Variants in BCLAF1 observed in about 807,000 individuals in gnomAD.
BCLAF1 encodes BCL2 associated transcription factor 1, also known as bcl-2-associated transcription factor 1.
In BCLAF1, 10 loss-of-function variants were observed where a neutral mutation model predicts 99.5. The ratio of observed to expected loss-of-function variants is 0.10; its 90% CI spans 0.06 to 0.17. The LOEUF is 0.17. BCLAF1 is among the 10% of genes least tolerant of loss of function. The probability of loss-of-function intolerance (pLI) is 1.00; values close to 1 mark genes in which losing one functional copy is unlikely to be tolerated. For missense variants in BCLAF1, 636 were observed against 1,105.8 expected, an observed-to-expected ratio of 0.58 and a Z score of 6.02; for synonymous variants, 255 against 370.9, an observed-to-expected ratio of 0.69 and a Z score of 3.59.
rs1780600347 is a variant in BCLAF1 at position 136,258,441 on chromosome 6, C to CT, written c.*2668_*2669insA. The CT allele has an allele frequency of 6.6e-6, 1 of 152,002 alleles. No homozygotes were observed. Among genetic ancestry groups the CT allele is most frequent in the Admixed American group, 6.6e-5 (1 of 15,254 alleles). The allele number at this position is 152,002 out of a possible 1,614,324, so 9.4% of individuals were successfully genotyped here. A position where few individuals can be genotyped will look rare whatever the true frequency, so the allele number is the denominator to read the frequency against. On this transcript the variant is annotated 3_prime_UTR_variant, in exon 13 of 13. Coordinates refer to ENST00000531224, the MANE Select transcript of BCLAF1 (RefSeq NM_014739.3). The stretch of plus-strand genomic sequence containing the variant: ...ACAAAAACAAGACAAAACAAAAAAA[C>CT]AGTAAAGAAAGGTTTGAGGGAGTTT...
rs1286225517 is a variant in BCLAF1 at position 136,289,781 on chromosome 6, C to T, written c.-183G>A. 2.0e-5 allele frequency: 3 copies of T among 152,692 alleles called. No homozygotes were observed. The highest frequency in any genetic ancestry group is 4.4e-5 in the Non-Finnish European group (3 of 68,050). The allele number at this position is 152,692 out of a possible 1,614,324, so 9.5% of individuals were successfully genotyped here. A position where few individuals can be genotyped will look rare whatever the true frequency, so the allele number is the denominator to read the frequency against. The stretch of plus-strand genomic sequence containing the variant: ...ACCACACAGCGGCCATTTCCCGACT[C>T]AAGAACGCGAGGAAAACCATAGAGC... On this transcript the variant is annotated 5_prime_UTR_variant, in exon 1 of 13. Coordinates refer to ENST00000531224, the MANE Select transcript of BCLAF1 (RefSeq NM_014739.3).
Position 136,261,118 on chromosome 6 carries a change from AAAAG to A in BCLAF1, c.2758-7_2758-4del, listed in dbSNP as rs758124399. On this transcript the variant is annotated splice_polypyrimidine_tract_variant and splice_region_variant and intron_variant, in intron 12 of 12. Transcript: ENST00000531224. ...ATCTTACTTCATATTTATTATTCCT[AAAAG>A]AGAGAGAAAAAATTAAAGATTAACA... 1.2e-4 allele frequency: 186 copies of A among 1,578,840 alleles called. No homozygotes were observed. The African/African-American group carries it at 2.2e-3, about 19-fold the overall frequency.
In BCLAF1 at chr6:136,289,729, CGGTTCCG is replaced by C. The variant is rs1351577869; in HGVS notation, c.-138_-132del. 6 of 152,864 alleles carry C rather than the reference CGGTTCCG, an allele frequency of 3.9e-5. No homozygotes were observed. Among genetic ancestry groups the C allele is most frequent in the Admixed American group, 1.3e-4 (2 of 15,306 alleles). The allele number at this position is 152,864 out of a possible 1,614,324, so 9.5% of individuals were successfully genotyped here. A position where few individuals can be genotyped will look rare whatever the true frequency, so the allele number is the denominator to read the frequency against. On this transcript the variant is annotated 5_prime_UTR_variant, in exon 1 of 13. Coordinates refer to ENST00000531224, the MANE Select transcript of BCLAF1 (RefSeq NM_014739.3). ...GAGGCCTACCTGACACGCCGAATCG[CGGTTCCG>C]GGAATTTATCTCCGTTGCAACCACA...
In BCLAF1 at chr6:136,268,301, G is replaced by A. The variant is rs138813975; in HGVS notation, c.2258C>T (p.Ser753Phe). 6.2e-7 allele frequency: 1 copy of A among 1,607,300 alleles called. No homozygotes were observed. Among genetic ancestry groups the A allele is most frequent in the Non-Finnish European group, 8.5e-7 (1 of 1,177,416 alleles). The change falls in exon 10 of 13, where the codon TCC becomes TTC. Residue 753 changes from serine to phenylalanine, a missense_variant. Ser to Phe is a radical substitution (Grantham distance 155). This residue lies in a region of BCLAF1 where 180 missense variants were observed against 270.0 expected (regional missense o/e 0.67). Coordinates refer to ENST00000531224, the MANE Select transcript of BCLAF1 (RefSeq NM_014739.3). ...GGGAGAAGAAGGTGATGCTGAAGAG[G>A]ATGAAGATCGAGAATGATCTTGCTC... is the stretch of plus-strand genomic sequence containing the variant. ...KREQDHSRSS[S>F]SSASPSSPSS...
At chr6:136,277,784 C>A in intron 4 of BCLAF1, 81 bp downstream of exon 4, 1 of 1,467,268 alleles carries the variant, frequency 6.8e-7, no homozygotes, top group Non-Finnish European at 9.0e-7. Context: ...ATACATATCA[C>A]AATTTTACGT....
intron 1 of BCLAF1, among the ~76,000 whole-genome samples, chr6:136,282,991 G>A (rs537880843): frequency 7.6e-4 from 115 of 151,390 alleles, no homozygotes; most frequent in South Asian, 1.0e-3. Context: ...AAATTCCAAC[G>A]TAGCTAACAT....
At chr6:136,275,785 A>G in intron 5 of BCLAF1, 58 bp downstream of exon 5, 1 of 1,570,076 alleles carries the variant, frequency 6.4e-7, no homozygotes, top group Admixed American at 1.9e-5. Flanking sequence ...AGTTTAAGAT[A>G]ATTAACTGGA....
chr6:136,271,868 C>G, intron 8 of BCLAF1, 127 bp downstream of exon 8: 1 of 681,754 alleles, frequency 1.5e-6, no homozygotes, highest in Non-Finnish European at 2.5e-6. Flanking sequence ...TGTACACTAC[C>G]ATAATATAGT....
chr6:136,261,277 G>A lies in BCLAF1; in HGVS notation c.2745C>T (p.Arg915=), dbSNP rs1409020183. The change falls in exon 12 of 13, where the codon CGC becomes CGT. Residue 915 remains arginine, a synonymous_variant. Coordinates refer to ENST00000531224, the MANE Select transcript of BCLAF1 (RefSeq NM_014739.3). ...MENNEEKKDR[R]KEEKE Reference sequence around the variant, plus strand: ...TGAAATTTTATACCTTTTCTTCCTTGCGTCTGTCCTTCTTTTCTTCATTAT... The same window carrying A: ...TGAAATTTTATACCTTTTCTTCCTTACGTCTGTCCTTCTTTTCTTCATTAT... The A allele has an allele frequency of 9.3e-6, 15 of 1,612,532 alleles. No homozygotes were observed. The East Asian group carries it at 1.6e-4, about 17-fold the overall frequency.
intron 6 of BCLAF1, among the ~76,000 whole-genome samples, chr6:136,274,451 T>C (rs1221095896): frequency 6.6e-6 from 1 of 151,826 alleles, no homozygotes; most frequent in African/African-American, 2.4e-5. Context: ...ACCACAGTAA[T>C]ATGGTCATAA....
intron 11 of BCLAF1, among the ~76,000 whole-genome samples, chr6:136,266,170 A>G (rs1469257913): frequency 2.0e-5 from 3 of 152,106 alleles, no homozygotes; most frequent in Non-Finnish European, 4.4e-5. Context: ...ATAACCTCTA[A>G]GTAGGTATGT....
At chr6:136,282,545 A>T (rs757881127) in intron 2 of BCLAF1, 39 bp downstream of exon 2, 4 of 152,172 alleles carry the variant, frequency 2.6e-5, no homozygotes, top group Non-Finnish European at 2.9e-5. Context: ...TCCTCAAAAA[A>T]GTCAAAAGTG....
intron 6 of BCLAF1, chr6:136,273,970 T>C (rs1331752983): frequency 3.3e-6 from 4 of 1,203,878 alleles, no homozygotes; most frequent in Non-Finnish European, 4.2e-6. Context: ...TACCGCCCAA[T>C]ATCCAGCACA....
At position 136,258,437 on chromosome 6, in the gene BCLAF1, A is replaced by C. The variant is rs920471391; in HGVS notation, c.*2673T>G. 1 of 152,306 alleles carries C rather than the reference A, an allele frequency of 6.6e-6. No homozygotes were observed. The allele number at this position is 152,306 out of a possible 1,614,324, so 9.4% of individuals were successfully genotyped here. A position where few individuals can be genotyped will look rare whatever the true frequency, so the allele number is the denominator to read the frequency against. On this transcript the variant is annotated 3_prime_UTR_variant, in exon 13 of 13. Coordinates refer to ENST00000531224, the MANE Select transcript of BCLAF1 (RefSeq NM_014739.3). ...AAAAACAAAAACAAGACAAAACAAAAAAACAGTAAAGAAAGGTTTGAGGGA... is the reference window on the plus strand; with the variant it reads ...AAAAACAAAAACAAGACAAAACAAACAAACAGTAAAGAAAGGTTTGAGGGA...
At position 136,258,555 on chromosome 6, in the gene BCLAF1, G is replaced by C. The variant is rs1780612149; in HGVS notation, c.*2555C>G. The C allele has an allele frequency of 6.6e-6, 1 of 152,456 alleles. No homozygotes were observed. The highest frequency in any genetic ancestry group is 2.4e-5 in the African/African-American group (1 of 41,420). The allele number at this position is 152,456 out of a possible 1,614,324, so 9.4% of individuals were successfully genotyped here. A position where few individuals can be genotyped will look rare whatever the true frequency, so the allele number is the denominator to read the frequency against. On this transcript the variant is annotated 3_prime_UTR_variant, in exon 13 of 13. Transcript: ENST00000531224. Reference sequence around the variant, plus strand: ...AATAGGCCACAGAAATAAGATGTGTGAAATAGACACAGGTAAACAAACAAC... The same window carrying C: ...AATAGGCCACAGAAATAAGATGTGTCAAATAGACACAGGTAAACAAACAAC...
chr6:136,264,077 T>G (rs1466576144), intron 11 of BCLAF1, among the ~76,000 whole-genome samples: 4 of 152,092 alleles, frequency 2.6e-5, no homozygotes, highest in Non-Finnish European at 5.9e-5. Flanking sequence ...GTACCTCAGT[T>G]TTTTCCATCC....
In BCLAF1 at chr6:136,282,584, CTT is replaced by C. The variant is rs973177175; in HGVS notation, c.-13_-12del. ...ACTAGAAAAATGAATGCTCTTTTACCTTGGTTTTATGCAGGATCAAGAAGTCA... is the reference window on the plus strand; with the variant it reads ...ACTAGAAAAATGAATGCTCTTTTACCGGTTTTATGCAGGATCAAGAAGTCA... On this transcript the variant is annotated splice_region_variant and 5_prime_UTR_variant, in exon 2 of 13. Coordinates refer to ENST00000531224, the MANE Select transcript of BCLAF1 (RefSeq NM_014739.3). 1 of 152,020 alleles carries C rather than the reference CTT, an allele frequency of 6.6e-6. No homozygotes were observed. Among genetic ancestry groups the C allele is most frequent in the African/African-American group, 2.4e-5 (1 of 41,384 alleles). 9.4% of individuals were successfully genotyped at this position (152,020 alleles called of 1,614,324 possible).
intron 11 of BCLAF1, among the ~76,000 whole-genome samples, chr6:136,262,863 G>GT (rs1390162844): frequency 6.6e-6 from 1 of 152,088 alleles, no homozygotes; most frequent in Non-Finnish European, 1.5e-5. Context: ...CTGGGAAGAG[G>GT]TTTTGGAGTA....
rs1470224199 is a variant in BCLAF1, at chr6:136,276,195, G to A, written c.1330C>T (p.Leu444=). The change falls in exon 5 of 13, where the codon CTG becomes TTG. Residue 444 remains leucine (L), a synonymous_variant. Transcript: ENST00000531224. The part of the protein sequence containing the change: ...EGLKYKSKVS[L]KGNRESDGFR... ...CCATCACTTTCTCTATTGCCTTTCAGTGAAACTTTGGACTTGTACTTGAGT... is the reference window on the plus strand; with the variant it reads ...CCATCACTTTCTCTATTGCCTTTCAATGAAACTTTGGACTTGTACTTGAGT... The A allele has an allele frequency of 6.2e-7, 1 of 1,610,516 alleles. No individual in the cohort carries two copies. Among genetic ancestry groups the A allele is most frequent in the Non-Finnish European group, 8.5e-7 (1 of 1,179,198 alleles).
Sources: gnomAD v4.1 joint callset for allele counts (sites outside exome capture counted in the v4.1 genomes callset) on GRCh38, gnomAD v4.1.1 for gene constraint, gnomAD v4.1.1 regional missense constraint, MANE v1.5 for transcripts, NCBI Gene and HGNC (gene_info 2026-07-23, HGNC 2026-07-21) for gene names.